The following VWC2 variants were observed in gnomAD, a reference collection of about 807,000 sequenced individuals.
VWC2 encodes the protein brorin.
A neutral mutation model predicts 29.8 loss-of-function variants in VWC2; 14 were observed. The observed-to-expected ratio is 0.47, with a 90% CI of 0.31 to 0.74. The LOEUF is 0.74. Among genes scored for constraint, VWC2 ranks in the 30% least tolerant of loss-of-function variants. VWC2 has a pLI of 0.05. For missense variants in VWC2, 457 were observed against 459.8 expected, an observed-to-expected ratio of 0.99 and a Z score of 0.05; for synonymous variants, 213 against 199.0, an observed-to-expected ratio of 1.07 and a Z score of -0.59.
In VWC2 at chr7:49,790,718, G is replaced by A. The variant is rs118098695; in HGVS notation, c.697-11993G>A. 1.3e-4 allele frequency among the ~76,000 whole-genome samples: 19 copies of A among 151,928 alleles called. No homozygotes were observed. The East Asian group carries it at 1.6e-3, about 13-fold the overall frequency. The stretch of plus-strand genomic sequence containing the variant: ...AGCCCTCAGGGGGTCGGGGACTCAG[G>A]CTGCAGGGCCAGAGTCCCCAGGTGG... On this transcript the variant is annotated intron_variant, in intron 2 of 3. Transcript: ENST00000340652.
At position 49,915,324 on chromosome 7, in the gene VWC2, C is replaced by G. The variant is rs1339245355; in HGVS notation, c.*3139C>G. ...CCTTGACATCAAGGGGTCTGTAAGC[C>G]TTGAAACTAATTTAGGTTTGATTAT... On this transcript the variant is annotated 3_prime_UTR_variant, in exon 4 of 4. Coordinates refer to ENST00000340652, the MANE Select transcript of VWC2 (RefSeq NM_198570.5). 6.6e-6 allele frequency: 1 copy of G among 152,158 alleles called. No individual in the cohort carries two copies. The highest frequency in any genetic ancestry group is 2.4e-5 in the African/African-American group (1 of 41,438). The allele number at this position is 152,158 out of a possible 1,614,324, so 9.4% of individuals were successfully genotyped here.
At chr7:49,795,741 TC>T (rs1291683789) in intron 2 of VWC2, among the ~76,000 whole-genome samples, 15 of 152,362 alleles carry the variant, frequency 9.8e-5, no homozygotes, top group African/African-American at 3.6e-4. Flanking sequence ...TCCAACCATT[TC>T]TTTCTTGACT....
chr7:49,821,568 A>G lies in VWC2; in HGVS notation c.826+18728A>G, dbSNP rs531500045. ...AGAAAAAAGCAGCAAAACATTAAAT[A>G]ATGTCAGTTTTATATCAGTGTCTTA... is the stretch of plus-strand genomic sequence containing the variant. On this transcript the variant is annotated intron_variant, in intron 3 of 3. Transcript: ENST00000340652. 9.8e-5 allele frequency among the ~76,000 whole-genome samples: 15 copies of G among 152,326 alleles called. No individual in the cohort carries two copies. The South Asian group carries it at 2.7e-3, about 27-fold the overall frequency.
At chr7:49,875,367 CTCA>C (rs1258631867) in intron 3 of VWC2, among the ~76,000 whole-genome samples, 2 of 2,586 alleles carry the variant, frequency 7.7e-4, no homozygotes, top group African/African-American at 2.9e-3. Flanking sequence ...GAGATTCTGA[CTCA>C]AAAAAAAAAA....
rs1342776117 is a variant in VWC2 at position 49,775,530 on chromosome 7, C to T, written c.95C>T (p.Pro32Leu). Residue 32 changes from proline (P) to leucine (L), a missense_variant, in exon 2 of 4, where the codon CCG (proline) becomes CTG (leucine). This residue lies in a region of VWC2 where 272 missense variants were observed against 202.7 expected (regional missense o/e 1.34). Coordinates refer to ENST00000340652, the MANE Select transcript of VWC2 (RefSeq NM_198570.5). ...GTGGCTCTGTGCAGTCCGAGCATCCCGCTGGAGAAGCTGGCCCAGGCACCA... is the reference window on the plus strand; with the variant it reads ...GTGGCTCTGTGCAGTCCGAGCATCCTGCTGGAGAAGCTGGCCCAGGCACCA... Reference protein sequence around the residue: ...LMVALCSPSIPLEKLAQAPEQ... With the variant: ...LMVALCSPSILLEKLAQAPEQ... The T allele has an allele frequency of 6.3e-7, 1 of 1,574,802 alleles. No individual in the cohort carries two copies. Among genetic ancestry groups the T allele is most frequent in the Non-Finnish European group, 8.6e-7 (1 of 1,164,574 alleles).
intron 3 of VWC2, among the ~76,000 whole-genome samples, chr7:49,909,414 G>A (rs952483187): frequency 1.2e-4 from 19 of 152,218 alleles, no homozygotes; most frequent in African/African-American, 4.6e-4. Flanking sequence ...AATGGTCACT[G>A]TGGCACTGTT....
intron 3 of VWC2, among the ~76,000 whole-genome samples, chr7:49,840,077 C>A (rs1789760556): frequency 6.6e-6 from 1 of 152,230 alleles, no homozygotes; most frequent in Non-Finnish European, 1.5e-5. Context: ...GCTTCCGGAG[C>A]AGGAGCGCCT....
In VWC2 at chr7:49,920,995, A is replaced by G. The variant is rs1793993624; in HGVS notation, c.*8810A>G. 6.6e-6 allele frequency: 1 copy of G among 152,224 alleles called. No individual in the cohort carries two copies. The highest frequency in any genetic ancestry group is 2.1e-4 in the South Asian group (1 of 4,834). The allele number at this position is 152,224 out of a possible 1,614,324, so 9.4% of individuals were successfully genotyped here. ...ATATGCTTTTATAAATTATTTGGTG[A>G]AAGTTTTCCAGTAAGTGTTCATGTC... On this transcript the variant is annotated 3_prime_UTR_variant, in exon 4 of 4. Transcript: ENST00000340652.
intron 3 of VWC2, among the ~76,000 whole-genome samples, chr7:49,835,767 G>A (rs562261436): frequency 6.6e-6 from 1 of 152,308 alleles, no homozygotes; most frequent in African/African-American, 2.4e-5. Context: ...TAAGTAAAAT[G>A]TATGATTGAT....
chr7:49,866,728 C>T (rs1451707160), intron 3 of VWC2, among the ~76,000 whole-genome samples: 2 of 152,238 alleles, frequency 1.3e-5, no homozygotes, highest in Non-Finnish European at 2.9e-5. Flanking sequence ...GCATCTGCTT[C>T]AGAGGATGAT....
intron 3 of VWC2, among the ~76,000 whole-genome samples, chr7:49,817,662 T>C (rs994489198): frequency 6.6e-6 from 1 of 152,186 alleles, no homozygotes; most frequent in Non-Finnish European, 1.5e-5. Context: ...AAAGAGTCCA[T>C]TACCCCAGGA....
intron 3 of VWC2, among the ~76,000 whole-genome samples, chr7:49,867,525 C>T (rs1300113596): frequency 6.6e-6 from 1 of 152,182 alleles, no homozygotes; most frequent in Non-Finnish European, 1.5e-5. Flanking sequence ...CTGACATAGT[C>T]TTCTTGTTCT....
intron 2 of VWC2, among the ~76,000 whole-genome samples, chr7:49,780,273 C>A (rs1318319523): frequency 6.6e-6 from 1 of 152,058 alleles, no homozygotes; most frequent in Non-Finnish European, 1.5e-5. Flanking sequence ...TTTAGGAGTT[C>A]CTGTATTACT....
intron 3 of VWC2, among the ~76,000 whole-genome samples, chr7:49,828,710 G>T (rs1789460107): frequency 1.3e-5 from 2 of 152,042 alleles, no homozygotes; most frequent in Admixed American, 1.3e-4. Context: ...TAGACGGACG[G>T]CCTCTCCCAC....
rs1788947841 is a variant in VWC2, at chr7:49,809,347, A to G, written c.826+6507A>G. On this transcript the variant is annotated intron_variant, in intron 3 of 3. Coordinates refer to ENST00000340652, the MANE Select transcript of VWC2 (RefSeq NM_198570.5). ...ACTCAGTTCATTTCTGAATTGTCCT[A>G]AAACAAATAAAATACAAATTAATAA... 1.3e-5 allele frequency among the ~76,000 whole-genome samples: 2 copies of G among 151,998 alleles called. 1 individual carries two copies. Among genetic ancestry groups the G allele is most frequent in the East Asian group, 3.8e-4 (2 of 5,204 alleles).
chr7:49,816,500 T>C (rs557464734), intron 3 of VWC2, among the ~76,000 whole-genome samples: 1 of 152,148 alleles, frequency 6.6e-6, no homozygotes, highest in African/African-American at 2.4e-5. Context: ...CACTTCTGAT[T>C]TGGGTAATGA....
At chr7:49,785,328 G>T (rs1788271007) in intron 2 of VWC2, among the ~76,000 whole-genome samples, 1 of 152,168 alleles carries the variant, frequency 6.6e-6, no homozygotes, top group Admixed American at 6.5e-5. Context: ...CCACACATCT[G>T]CTTAGAATTC....
Position 49,775,621 on chromosome 7 carries a change from C to A in VWC2, c.186C>A (p.Leu62=). ...SRDGPGRVNE[L]GRPARDEGGS... ...ACGGCCCGGGGCGGGTGAACGAGCTCGGGCGCCCGGCGAGGGACGAGGGCG... is the reference window on the plus strand; with the variant it reads ...ACGGCCCGGGGCGGGTGAACGAGCTAGGGCGCCCGGCGAGGGACGAGGGCG... The change falls in exon 2 of 4, where the codon CTC becomes CTA. Residue 62 remains leucine, a synonymous_variant. Coordinates refer to ENST00000340652, the MANE Select transcript of VWC2 (RefSeq NM_198570.5). The A allele has an allele frequency of 1.3e-6, 2 of 1,530,084 alleles. No individual in the cohort carries two copies. Among genetic ancestry groups the A allele is most frequent in the Middle Eastern group, 2.1e-4 (1 of 4,742 alleles). 94.8% of individuals were successfully genotyped at this position (1,530,084 alleles called of 1,614,324 possible).
chr7:49,896,370 T>G (rs1792382273), intron 3 of VWC2, among the ~76,000 whole-genome samples: 1 of 152,046 alleles, frequency 6.6e-6, no homozygotes, highest in Non-Finnish European at 1.5e-5. Flanking sequence ...ACATCACAAC[T>G]TGTGAGAGAC....
Sources: gnomAD v4.1 joint callset for allele counts (sites outside exome capture counted in the v4.1 genomes callset) on GRCh38, gnomAD v4.1.1 for gene constraint, gnomAD v4.1.1 regional missense constraint, MANE v1.5 for transcripts, NCBI Gene and HGNC (gene_info 2026-07-23, HGNC 2026-07-21) for gene names.